Variants in VWA8 observed in about 807,000 individuals in gnomAD.
The protein encoded by VWA8 is von Willebrand factor A domain-containing protein 8.
VWA8 carries 221 observed loss-of-function variants against 241.5 expected under a neutral mutation model. The ratio of observed to expected loss-of-function variants is 0.91; its 90% CI spans 0.82 to 1.02. The LOEUF (loss-of-function observed/expected upper bound fraction) is 1.02, where lower values mean the gene tolerates loss of function less well. Ranked by LOEUF, VWA8 falls within the 50% of genes least tolerant of loss-of-function variation. VWA8 has a pLI of 0.00. For missense variants in VWA8, 2,322 were observed against 2,328.7 expected, an observed-to-expected ratio of 1.00 and a Z score of 0.06; for synonymous variants, 852 against 827.1, an observed-to-expected ratio of 1.03 and a Z score of -0.52.
chr13:41,739,612 A>G (rs1439620937), intron 21 of VWA8, among the ~76,000 whole-genome samples: 3 of 152,172 alleles, frequency 2.0e-5, no homozygotes, highest in Non-Finnish European at 4.4e-5. Context: ...AAAATAGTAT[A>G]CAAATAAGCA....
intron 43 of VWA8, among the ~76,000 whole-genome samples, chr13:41,573,818 C>T (rs534706743): frequency 5.9e-5 from 9 of 151,304 alleles, no homozygotes; most frequent in East Asian, 3.9e-4. Flanking sequence ...GATGGGATTT[C>T]GCCAGGTTGG....
chr13:41,568,527 G>C (rs1231597978), intron 44 of VWA8: 1 of 447,390 alleles, frequency 2.2e-6, no homozygotes, highest in Non-Finnish European at 3.9e-6. Flanking sequence ...CTGAAAGAAA[G>C]GTCTTTTCAG....
intron 19 of VWA8, among the ~76,000 whole-genome samples, chr13:41,782,296 G>A (rs1316232834): frequency 6.6e-6 from 1 of 152,190 alleles, no homozygotes; most frequent in South Asian, 2.1e-4. Context: ...CTTATATCCT[G>A]TGAAGTCTTT....
chr13:41,614,382 A>G (rs1008602081), intron 38 of VWA8, among the ~76,000 whole-genome samples: 2 of 152,152 alleles, frequency 1.3e-5, no homozygotes, highest in Non-Finnish European at 2.9e-5. Flanking sequence ...CGCAGAGGAA[A>G]AAGGAAGACG....
In VWA8 at chr13:41,778,079, TTAAC is replaced by T. The variant is rs139395719; in HGVS notation, c.2278-27_2278-24del. On this transcript the variant is annotated intron_variant, in intron 19 of 44. Transcript: ENST00000379310. ...ATGCTAGAGAAAAAGGAACTAGGGGTTAACTGTTTTGTACAATCAAGGTTAAATA... is the reference window on the plus strand; with the variant it reads ...ATGCTAGAGAAAAAGGAACTAGGGGTTGTTTTGTACAATCAAGGTTAAATA... The T allele has an allele frequency of 1.2e-3, 1,855 of 1,588,130 alleles. 15 individuals carry two copies. The African/African-American group carries it at 0.023, about 19-fold the overall frequency.
chr13:41,835,012 A>T (rs574657579), intron 12 of VWA8, among the ~76,000 whole-genome samples: 3 of 152,212 alleles, frequency 2.0e-5, no homozygotes, highest in Admixed American at 2.0e-4. Flanking sequence ...GTTCTCACTT[A>T]TAAGTGGAAG....
intron 21 of VWA8, among the ~76,000 whole-genome samples, chr13:41,738,984 C>T: frequency 6.6e-6 from 1 of 152,056 alleles, no homozygotes; most frequent in African/African-American, 2.4e-5. Flanking sequence ...AATTGAGTAA[C>T]AACACAAAAG....
At chr13:41,859,584 T>C (rs550645979) in intron 12 of VWA8, among the ~76,000 whole-genome samples, 60 of 152,326 alleles carry the variant, frequency 3.9e-4, no homozygotes, top group South Asian at 3.1e-3. Context: ...TCTGGAAATA[T>C]GCCCTTATCT....
At chr13:41,622,795 T>C (rs1042090048) in intron 37 of VWA8, among the ~76,000 whole-genome samples, 1 of 152,226 alleles carries the variant, frequency 6.6e-6, no homozygotes, top group Admixed American at 6.5e-5. Context: ...CTTGAGTTCA[T>C]GACTTTTAAA....
intron 26 of VWA8, among the ~76,000 whole-genome samples, chr13:41,704,563 A>G (rs2045271005): frequency 6.6e-6 from 1 of 151,506 alleles, no homozygotes; most frequent in South Asian, 2.1e-4. Flanking sequence ...TCCTGGACTC[A>G]TGATCCTCCC....
At chr13:41,828,323 A>C (rs1388710362) in intron 14 of VWA8, among the ~76,000 whole-genome samples, 1 of 152,218 alleles carries the variant, frequency 6.6e-6, no homozygotes, top group East Asian at 1.9e-4. Flanking sequence ...TAGGGCAGTA[A>C]ACCCTTTGAG....
At chr13:41,615,155 A>G in intron 37 of VWA8, 71 bp from the exon 38 acceptor site, 1 of 1,496,762 alleles carries the variant, frequency 6.7e-7, no homozygotes, top group South Asian at 1.2e-5. Flanking sequence ...CAGAAAAAAA[A>G]ATTATTTTCT....
At chr13:41,889,478 A>C (rs1874717908) in intron 5 of VWA8, among the ~76,000 whole-genome samples, 1 of 151,718 alleles carries the variant, frequency 6.6e-6, no homozygotes, top group Non-Finnish European at 1.5e-5. Context: ...TCCTGGGTTC[A>C]AGCGATTCTC....
At chr13:41,594,124 GT>G (rs56659715) in intron 40 of VWA8, among the ~76,000 whole-genome samples, 103 of 143,358 alleles carry the variant, frequency 7.2e-4, no homozygotes, top group Admixed American at 1.1e-3. Flanking sequence ...TGTAATTTTT[GT>G]TTTTTTTTTT....
At chr13:41,592,396 A>G (rs1338443567) in intron 40 of VWA8, among the ~76,000 whole-genome samples, 1 of 150,820 alleles carries the variant, frequency 6.6e-6, no homozygotes, top group African/African-American at 2.4e-5. Flanking sequence ...GCAGCGCACC[A>G]GCATGGCACA....
rs188392073 is a variant in VWA8 at position 41,724,068 on chromosome 13, T to C, written c.2759-2493A>G. 1.1e-3 allele frequency among the ~76,000 whole-genome samples: 167 copies of C among 151,960 alleles called. 3 individuals are homozygous for C. Among genetic ancestry groups the C allele is most frequent in the Non-Finnish European group, 1.1e-3 (75 of 67,976 alleles). On this transcript the variant is annotated intron_variant, in intron 24 of 44. Transcript: ENST00000379310. ...GGAAAATGCATCAAGGAGAAGAGAG[T>C]GACTAACTGTATCAACTATATACTA...
chr13:41,784,729 T>C (rs71425029), intron 18 of VWA8, among the ~76,000 whole-genome samples: 21,565 of 59,666 alleles, frequency 0.36, 3,936 homozygotes, highest in South Asian at 0.54. Context: ...TATATATATA[T>C]ACACACACAT....
chr13:41,858,545 G>A (rs925351055), intron 12 of VWA8, among the ~76,000 whole-genome samples: 3 of 152,038 alleles, frequency 2.0e-5, no homozygotes, highest in Non-Finnish European at 4.4e-5. Flanking sequence ...GGCGGAGGTT[G>A]CAGTTAACCA....
intron 30 of VWA8, 118 bp downstream of exon 30, chr13:41,692,744 A>T: frequency 3.0e-6 from 2 of 666,008 alleles, no homozygotes; most frequent in South Asian, 3.9e-5. Flanking sequence ...ATAACAGGAA[A>T]TTCTCTTGTG....
Sources: gnomAD v4.1 joint callset for allele counts (sites outside exome capture counted in the v4.1 genomes callset) on GRCh38, gnomAD v4.1.1 for gene constraint, MANE v1.5 for transcripts, NCBI Gene and HGNC (gene_info 2026-07-23, HGNC 2026-07-21) for gene names.